The following PTPN13 variants were observed in gnomAD, a reference collection of about 807,000 sequenced individuals.
The protein encoded by PTPN13 is protein tyrosine phosphatase non-receptor type 13, also known as tyrosine-protein phosphatase non-receptor type 13.
Under a neutral mutation model 284.0 loss-of-function variants are expected in PTPN13, and 191 were observed. The ratio of observed to expected loss-of-function variants is 0.67; its 90% CI spans 0.60 to 0.76. The LOEUF (loss-of-function observed/expected upper bound fraction) is 0.76. PTPN13 is among the 30% of genes least tolerant of loss of function. The probability of loss-of-function intolerance (pLI) is 0.00; values close to 1 mark genes in which losing one functional copy is unlikely to be tolerated. For missense variants in PTPN13, 2,797 were observed against 2,939.9 expected, an observed-to-expected ratio of 0.95 and a Z score of 1.12; for synonymous variants, 986 against 1,022.3, an observed-to-expected ratio of 0.96 and a Z score of 0.68.
chr4:86,660,832 T>C (rs1726400612), intron 2 of PTPN13, among the ~76,000 whole-genome samples: 1 of 152,186 alleles, frequency 6.6e-6, no homozygotes, highest in Admixed American at 6.5e-5. Flanking sequence ...TTTAAAACTA[T>C]TTTGACTTCA....
intron 7 of PTPN13, among the ~76,000 whole-genome samples, chr4:86,709,248 T>C (rs1270031073): frequency 6.6e-6 from 1 of 152,102 alleles, no homozygotes; most frequent in Admixed American, 6.6e-5. Flanking sequence ...GACACTGATG[T>C]TTCAGGAATC....
intron 12 of PTPN13, among the ~76,000 whole-genome samples, chr4:86,733,933 A>C (rs1735220431): frequency 6.6e-6 from 1 of 152,184 alleles, no homozygotes; most frequent in Non-Finnish European, 1.5e-5. Context: ...GTTTTTATTC[A>C]TTATGTCATT....
At chr4:86,729,004 G>A (rs1488315955) in intron 10 of PTPN13, among the ~76,000 whole-genome samples, 1 of 148,780 alleles carries the variant, frequency 6.7e-6, no homozygotes, top group Non-Finnish European at 1.5e-5. Flanking sequence ...CATGTTTAGT[G>A]CTTCCTTCAG....
Position 86,796,903 on chromosome 4 carries a change from T to C in PTPN13, c.6375T>C (p.Tyr2125=), listed in dbSNP as rs1387007342. Residue 2125 remains tyrosine, a synonymous_variant, in exon 41 of 48, where the codon TAT becomes TAC. Coordinates refer to ENST00000411767, the MANE Select transcript of PTPN13 (RefSeq NM_080683.3). The stretch of plus-strand genomic sequence containing the variant: ...CCAAAATGAATGGCTGTGAAGAATA[T>C]TGTGAAGAAAAAGTAAAAAGTGAAA... ...EATKMNGCEE[Y]CEEKVKSESL... 23 of 1,490,232 alleles carry C rather than the reference T, an allele frequency of 1.5e-5. No individual in the cohort carries two copies. Among genetic ancestry groups the C allele is most frequent in the Admixed American group, 5.5e-5 (3 of 54,906 alleles). The allele number at this position is 1,490,232 out of a possible 1,614,324, so 92.3% of individuals were successfully genotyped here.
At chr4:86,812,436 T>G (rs1391596769) in intron 47 of PTPN13, among the ~76,000 whole-genome samples, 3 of 151,198 alleles carry the variant, frequency 2.0e-5, no homozygotes, top group Non-Finnish European at 2.9e-5. Context: ...TGGAAGACCA[T>G]AGACATGTTA....
chr4:86,615,345 A>G (rs978040272), intron 1 of PTPN13, among the ~76,000 whole-genome samples: 36 of 152,138 alleles, frequency 2.4e-4, no homozygotes, highest in Admixed American at 2.0e-3. Context: ...ATATGGTTCA[A>G]TCTGATACTT....
chr4:86,702,356 A>G (rs1023607077), intron 7 of PTPN13, among the ~76,000 whole-genome samples: 3 of 152,190 alleles, frequency 2.0e-5, no homozygotes, highest in Non-Finnish European at 4.4e-5. Context: ...CTTTTGAATC[A>G]TAGTACATTT....
intron 42 of PTPN13, among the ~76,000 whole-genome samples, chr4:86,801,814 C>A (rs1418026184): frequency 1.3e-5 from 2 of 152,232 alleles, no homozygotes; most frequent in Admixed American, 6.5e-5. Context: ...TTAAGAAAAA[C>A]TAAGCTAAGA....
intron 2 of PTPN13, among the ~76,000 whole-genome samples, chr4:86,646,497 C>G (rs1401654213): frequency 6.6e-6 from 1 of 152,088 alleles, no homozygotes; most frequent in Non-Finnish European, 1.5e-5. Context: ...GGGATTTTGC[C>G]ATCTTGGCCA....
chr4:86,659,931 C>G (rs1726286679), intron 2 of PTPN13, among the ~76,000 whole-genome samples: 1 of 151,778 alleles, frequency 6.6e-6, no homozygotes, highest in Non-Finnish European at 1.5e-5. Flanking sequence ...TCTTTCTAAA[C>G]TTTGGTTCAA....
chr4:86,683,246 C>T (rs1210053528), intron 3 of PTPN13, among the ~76,000 whole-genome samples: 1 of 151,944 alleles, frequency 6.6e-6, no homozygotes, highest in African/African-American at 2.4e-5. Context: ...CTCCAAGATC[C>T]TCAGGATGAG....
At position 86,722,327 on chromosome 4, in the gene PTPN13, T is replaced by C. The variant is rs750891556; in HGVS notation, c.1501T>C (p.Leu501=). The C allele has an allele frequency of 2.5e-6, 4 of 1,613,598 alleles. No individual in the cohort carries two copies. Among genetic ancestry groups the C allele is most frequent in the Non-Finnish European group, 3.4e-6 (4 of 1,179,792 alleles). ...QAKMALRQSR[L]SLYPGDTIKA... is the part of the protein sequence containing the mutation. ...CAAAATGGCCCTTAGACAGTCTCGG[T>C]TGAGCCTATATCCAGGAGACACAAT... The change falls in exon 10 of 48, where the codon TTG becomes CTG. Residue 501 remains leucine (L), a synonymous_variant. Coordinates refer to ENST00000411767, the MANE Select transcript of PTPN13 (RefSeq NM_080683.3).
chr4:86,779,851 A>C (rs565364515), intron 35 of PTPN13, among the ~76,000 whole-genome samples: 8 of 152,310 alleles, frequency 5.3e-5, no homozygotes, highest in African/African-American at 1.9e-4. Flanking sequence ...TAATCCTTTG[A>C]ATAGAAATAC....
chr4:86,722,104 A>G, intron 9 of PTPN13, 108 bp from the exon 10 acceptor site: 2 of 876,644 alleles, frequency 2.3e-6, no homozygotes, highest in South Asian at 3.3e-5. Context: ...ATGGGAAAAT[A>G]AAATTTGTTT....
intron 17 of PTPN13, among the ~76,000 whole-genome samples, chr4:86,747,892 A>G (rs1736961313): frequency 6.6e-6 from 1 of 152,224 alleles, no homozygotes; most frequent in African/African-American, 2.4e-5. Flanking sequence ...CTTTAGAGTC[A>G]TAGAATATTG....
intron 2 of PTPN13, among the ~76,000 whole-genome samples, chr4:86,638,032 T>A (rs896315331): frequency 1.3e-5 from 2 of 151,828 alleles, no homozygotes; most frequent in Non-Finnish European, 2.9e-5. Flanking sequence ...TATACACCAA[T>A]AACAGACAAA....
At chr4:86,645,595 A>G (rs1319189392) in intron 2 of PTPN13, among the ~76,000 whole-genome samples, 1 of 152,224 alleles carries the variant, frequency 6.6e-6, no homozygotes, top group Non-Finnish European at 1.5e-5. Context: ...TATGGAATAC[A>G]AAATTTAACA....
intron 32 of PTPN13, among the ~76,000 whole-genome samples, chr4:86,773,519 C>T (rs1037992283): frequency 6.6e-6 from 1 of 151,976 alleles, no homozygotes; most frequent in Non-Finnish European, 1.5e-5. Flanking sequence ...AACAAAATTT[C>T]CAAGTATAAT....
chr4:86,631,137 A>T (rs1379881633), intron 1 of PTPN13, among the ~76,000 whole-genome samples: 17 of 152,150 alleles, frequency 1.1e-4, no homozygotes, highest in Admixed American at 5.9e-4. Context: ...GGTTAATGTG[A>T]TAACGTCTGT....
Sources: allele counts gnomAD v4.1 joint callset (sites outside exome capture counted in the v4.1 genomes callset), GRCh38; gene constraint gnomAD v4.1.1; transcripts MANE v1.5; gene names NCBI Gene and HGNC (gene_info 2026-07-23, HGNC 2026-07-21).